The following ZNF516 variants were observed in gnomAD, a reference collection of about 807,000 sequenced individuals.
ZNF516 encodes the protein zinc finger protein 516.
A neutral mutation model predicts 79.7 loss-of-function variants in ZNF516; 19 were observed. The ratio of observed to expected loss-of-function variants is 0.24; its 90% CI spans 0.17 to 0.35. The LOEUF is 0.35. Ranked by LOEUF, ZNF516 falls within the 10% of genes least tolerant of loss-of-function variation. The probability of loss-of-function intolerance (pLI) is 1.00; values close to 1 mark genes in which losing one functional copy is unlikely to be tolerated. For missense variants in ZNF516, 1,678 were observed against 1,679.5 expected (o/e 1.00, Z 0.02); for synonymous variants, 877 against 739.5 (o/e 1.19, Z -3.02).
chr18:76,360,283 GT>G lies in ZNF516; in HGVS notation c.*2214del, dbSNP rs1367147074. ...AGACTACACTTTCGTGTCACTTTGG[GT>G]ACAGAATTTCTTTTTAATAACTAAA... On this transcript the variant is annotated 3_prime_UTR_variant, in exon 7 of 7. Coordinates refer to ENST00000443185, the MANE Select transcript of ZNF516 (RefSeq NM_014643.4). The G allele has an allele frequency of 1.3e-5, 2 of 152,140 alleles. No individual in the cohort carries two copies. The highest frequency in any genetic ancestry group is 2.4e-5 in the African/African-American group (1 of 41,432). 9.4% of individuals were successfully genotyped at this position (152,140 alleles called of 1,614,324 possible). A position where few individuals can be genotyped will look rare whatever the true frequency, so the allele number is the denominator to read the frequency against.
chr18:76,448,844 C>T (rs1378240170), intron 2 of ZNF516, among the ~76,000 whole-genome samples: 3 of 152,170 alleles, frequency 2.0e-5, no homozygotes, highest in South Asian at 2.1e-4. Flanking sequence ...GGGAAGCATA[C>T]TATTATCAAA....
At chr18:76,491,629 A>G in intron 1 of ZNF516, 1 of 488,688 alleles carries the variant, frequency 2.0e-6, no homozygotes, top group Non-Finnish European at 2.4e-6. Flanking sequence ...CGCCCCGCCC[A>G]CGGCCCTCCT....
intron 1 of ZNF516, among the ~76,000 whole-genome samples, chr18:76,465,035 G>A (rs527325270): frequency 1.3e-5 from 2 of 152,226 alleles, no homozygotes; most frequent in African/African-American, 2.4e-5. Flanking sequence ...AGCCGCCAGA[G>A]GAGAGAGGCT....
intron 3 of ZNF516, among the ~76,000 whole-genome samples, chr18:76,422,074 T>C (rs2075515777): frequency 6.6e-6 from 1 of 152,318 alleles, no homozygotes; most frequent in Middle Eastern, 3.4e-3. Context: ...TGAAGGTAAA[T>C]CCCAGAAAAA....
At chr18:76,411,718 A>G (rs2075374123) in intron 3 of ZNF516, among the ~76,000 whole-genome samples, 1 of 152,182 alleles carries the variant, frequency 6.6e-6, no homozygotes, top group Non-Finnish European at 1.5e-5. Flanking sequence ...GAAGGCTCCA[A>G]AGACCTGAAA....
At position 76,371,577 on chromosome 18, in the gene ZNF516, G is replaced by T; in HGVS notation, c.3260-6C>A. On this transcript the variant is annotated splice_region_variant and splice_polypyrimidine_tract_variant and intron_variant, in intron 4 of 6. Transcript: ENST00000443185. Reference sequence around the variant, plus strand: ...GGCCTGCGTCCGGAGTGTCCCTGCGGTGGCGAGGTGGTGGTGGTGGCAGGG... The same window carrying T: ...GGCCTGCGTCCGGAGTGTCCCTGCGTTGGCGAGGTGGTGGTGGTGGCAGGG... 6.2e-7 allele frequency: 1 copy of T among 1,607,460 alleles called. No homozygotes were observed.
intron 3 of ZNF516, among the ~76,000 whole-genome samples, chr18:76,380,939 C>T (rs2074881749): frequency 6.6e-6 from 1 of 152,232 alleles, no homozygotes; most frequent in African/African-American, 2.4e-5. Flanking sequence ...CCCCCAGAGG[C>T]GGGTGAGCAA....
Position 76,441,318 on chromosome 18 carries a change from G to A in ZNF516, c.1737C>T (p.Asp579=). ...CGTCGGCCAGGCCAGAGCCCGGGGA[G>A]TCAGCAGCGGCACAGGCGGAGCCAG... ...SSPGSACAAA[D]SPGSGLADEA... Residue 579 remains aspartate, a synonymous_variant, in exon 3 of 7, where the codon GAC becomes GAT. Transcript: ENST00000443185. 6.2e-7 allele frequency: 1 copy of A among 1,611,824 alleles called. No individual in the cohort carries two copies. The highest frequency in any genetic ancestry group is 8.5e-7 in the Non-Finnish European group (1 of 1,179,566).
chr18:76,367,213 C>G (rs1388138027), intron 6 of ZNF516, among the ~76,000 whole-genome samples: 1 of 152,180 alleles, frequency 6.6e-6, no homozygotes, highest in Admixed American at 6.5e-5. Flanking sequence ...CCCTCACTTT[C>G]CAAGCCCAAT....
intron 3 of ZNF516, among the ~76,000 whole-genome samples, chr18:76,423,973 G>T (rs112732964): frequency 2.4e-5 from 3 of 124,150 alleles, no homozygotes; most frequent in Non-Finnish European, 1.6e-5. Context: ...AGGTGAAAAG[G>T]CTCCCCCGAA....
chr18:76,443,510 G>C (rs190900196), intron 2 of ZNF516, among the ~76,000 whole-genome samples: 1 of 152,258 alleles, frequency 6.6e-6, no homozygotes, highest in East Asian at 1.9e-4. Flanking sequence ...TGTAGTACCA[G>C]AGTGTGTAGG....
intron 3 of ZNF516, among the ~76,000 whole-genome samples, chr18:76,417,275 A>C (rs1362843008): frequency 6.6e-6 from 1 of 152,184 alleles, no homozygotes; most frequent in Non-Finnish European, 1.5e-5. Flanking sequence ...TTTTAGCTTT[A>C]AATGTTTTAC....
rs1912950266 is a variant in ZNF516, at chr18:76,459,315, G to GTGACAGC, written c.-158+3706_-158+3712dup. Among the ~76,000 whole-genome samples, 2 of 152,182 alleles carry GTGACAGC rather than the reference G, an allele frequency of 1.3e-5. No individual in the cohort carries two copies. Among genetic ancestry groups the GTGACAGC allele is most frequent in the African/African-American group, 2.4e-5 (1 of 41,454 alleles). On this transcript the variant is annotated intron_variant, in intron 2 of 6. Transcript: ENST00000443185. The surrounding 1 kb of genome is among the most constrained non-coding windows in gnomAD (Gnocchi z 5.0). ...TGCCAGCTCGGGAAATCCTGGGCCG[G>GTGACAGC]TGACAGCCCTGACCCGTGGCCACCA... is the stretch of plus-strand genomic sequence containing the variant.
At chr18:76,453,204 A>G (rs1336979566) in intron 2 of ZNF516, among the ~76,000 whole-genome samples, 1 of 152,240 alleles carries the variant, frequency 6.6e-6, no homozygotes, top group East Asian at 1.9e-4. Flanking sequence ...CGTCTGCCAC[A>G]AAGAGCTGGC....
intron 1 of ZNF516, among the ~76,000 whole-genome samples, chr18:76,470,296 C>A (rs952542265): frequency 6.6e-6 from 1 of 152,124 alleles, no homozygotes; most frequent in East Asian, 1.9e-4. Flanking sequence ...GAACAAATCA[C>A]AAGTGGTCAG....
chr18:76,458,651 TGC>T (rs10589082), intron 2 of ZNF516, among the ~76,000 whole-genome samples: 13 of 129,352 alleles, frequency 1.0e-4, no homozygotes, highest in African/African-American at 2.1e-4. Flanking sequence ...CTCACCGTCG[TGC>T]GTGTGCGTGC....
At chr18:76,484,809 C>G (rs1914735191) in intron 1 of ZNF516, among the ~76,000 whole-genome samples, 1 of 152,216 alleles carries the variant, frequency 6.6e-6, no homozygotes, top group African/African-American at 2.4e-5. Context: ...ATCAACCTTA[C>G]TTTCTAAAGT....
chr18:76,401,975 G>GCCTATGTGCATGTGTGTA (rs1185470384), intron 3 of ZNF516, among the ~76,000 whole-genome samples: 5 of 152,094 alleles, frequency 3.3e-5, no homozygotes, highest in Admixed American at 2.0e-4. Flanking sequence ...GCATGTGCGT[G>GCCTATGTGCATGTGTGTA]CCTATGTGCA....
intron 1 of ZNF516, chr18:76,492,474 C>A (rs1292086093): frequency 1.5e-6 from 1 of 655,354 alleles, no homozygotes; most frequent in Non-Finnish European, 1.9e-6. Flanking sequence ...AGCGCTTCAC[C>A]TTCTAGAATT....
Sources: allele counts gnomAD v4.1 joint callset (sites outside exome capture counted in the v4.1 genomes callset), GRCh38; gene constraint gnomAD v4.1.1; non-coding constraint Gnocchi (gnomAD v3.1); transcripts MANE v1.5; gene names NCBI Gene and HGNC (gene_info 2026-07-23, HGNC 2026-07-21).